ULK4: variants seen among roughly 807,000 people sequenced by gnomAD.
The protein encoded by ULK4 is inactive serine/threonine-protein kinase ULK4.
ULK4 carries 133 observed loss-of-function variants against 160.6 expected under a neutral mutation model. The observed-to-expected ratio is 0.83, with a 90% CI of 0.72 to 0.96. ULK4 has a LOEUF of 0.96. ULK4 is among the 40% of genes least tolerant of loss of function. The probability of loss-of-function intolerance (pLI) is 0.00; values close to 1 mark genes in which losing one functional copy is unlikely to be tolerated. For synonymous variants in ULK4, 534 were observed against 539.8 expected (o/e 0.99, Z 0.15); for missense variants, 1,580 against 1,499.5 (o/e 1.05, Z -0.89).
chr3:41,270,729 C>T (rs912729738), intron 35 of ULK4, among the ~76,000 whole-genome samples: 5 of 152,056 alleles, frequency 3.3e-5, no homozygotes, highest in African/African-American at 9.7e-5. Flanking sequence ...TTTTATACGA[C>T]GAGATCGTGG....
At chr3:41,816,760 A>T (rs1245144181) in intron 19 of ULK4, among the ~76,000 whole-genome samples, 1 of 152,076 alleles carries the variant, frequency 6.6e-6, no homozygotes, top group Non-Finnish European at 1.5e-5. Context: ...GCAGGGAGCC[A>T]GGATGACAGA....
intron 29 of ULK4, among the ~76,000 whole-genome samples, chr3:41,678,388 T>C (rs1345271026): frequency 1.3e-5 from 2 of 152,128 alleles, no homozygotes; most frequent in African/African-American, 2.4e-5. Flanking sequence ...TGAGAATTTT[T>C]CCAGAAGTAT....
intron 30 of ULK4, among the ~76,000 whole-genome samples, chr3:41,622,113 A>T (rs148739850): frequency 6.6e-6 from 1 of 152,216 alleles, no homozygotes; most frequent in Admixed American, 6.5e-5. Flanking sequence ...AGGAAACACC[A>T]GATACTGGCA....
intron 29 of ULK4, among the ~76,000 whole-genome samples, chr3:41,665,862 G>A (rs1246973841): frequency 6.6e-6 from 1 of 152,190 alleles, no homozygotes; most frequent in African/African-American, 2.4e-5. Context: ...TAAAGAGTAT[G>A]TAAGAATATT....
At chr3:41,622,806 A>G (rs2033320549) in intron 30 of ULK4, among the ~76,000 whole-genome samples, 2 of 152,200 alleles carry the variant, frequency 1.3e-5, no homozygotes, top group Non-Finnish European at 2.9e-5. Context: ...CTTTTAGTCC[A>G]GGGTTCAGAA....
intron 35 of ULK4, among the ~76,000 whole-genome samples, chr3:41,250,005 A>T (rs2078715216): frequency 1.3e-5 from 2 of 152,220 alleles, no homozygotes. Context: ...CGTGGATAGA[A>T]GGATGCCAAG....
chr3:41,516,564 G>C (rs1199753214), intron 32 of ULK4, among the ~76,000 whole-genome samples: 1 of 152,078 alleles, frequency 6.6e-6, no homozygotes, highest in Non-Finnish European at 1.5e-5. Flanking sequence ...ATTGGGTTAA[G>C]TGAAATAAGC....
chr3:41,593,072 C>T (rs1322159653), intron 31 of ULK4, among the ~76,000 whole-genome samples: 1 of 152,196 alleles, frequency 6.6e-6, no homozygotes, highest in Non-Finnish European at 1.5e-5. Flanking sequence ...TCTTCCCTAA[C>T]TCCCCTTATA....
chr3:41,357,332 T>C (rs190892610), intron 35 of ULK4, among the ~76,000 whole-genome samples: 10 of 152,202 alleles, frequency 6.6e-5, no homozygotes, highest in Admixed American at 3.9e-4. Flanking sequence ...AAAGATATCA[T>C]AGGAAGAATA....
intron 17 of ULK4, among the ~76,000 whole-genome samples, chr3:41,866,067 C>T (rs190582825): frequency 2.2e-4 from 30 of 137,958 alleles, no homozygotes; most frequent in Admixed American, 2.0e-3. Flanking sequence ...GATGTTTACA[C>T]AGACAAGAAC....
At chr3:41,620,662 T>C (rs1030385743) in intron 30 of ULK4, among the ~76,000 whole-genome samples, 1 of 151,898 alleles carries the variant, frequency 6.6e-6, no homozygotes, top group Non-Finnish European at 1.5e-5. Context: ...CAATATAATA[T>C]TGAATGGGTA....
chr3:41,792,227 G>C (rs2040171448), intron 20 of ULK4, among the ~76,000 whole-genome samples: 1 of 152,038 alleles, frequency 6.6e-6, no homozygotes, highest in Non-Finnish European at 1.5e-5. Flanking sequence ...TGTAACAACA[G>C]AAAAATGAAT....
At chr3:41,823,699 T>C (rs2041229501) in intron 18 of ULK4, among the ~76,000 whole-genome samples, 1 of 152,170 alleles carries the variant, frequency 6.6e-6, no homozygotes, top group Non-Finnish European at 1.5e-5. Flanking sequence ...TAATGTTTAT[T>C]GTACTCAAAC....
At chr3:41,854,742 G>A (rs1335057244) in intron 17 of ULK4, 1 of 151,936 alleles carries the variant, frequency 6.6e-6, no homozygotes, top group Non-Finnish European at 1.5e-5. Context: ...CTTGCAAAGT[G>A]GCCATAGTTC....
chr3:41,478,706 T>C (rs2084217472), intron 32 of ULK4, among the ~76,000 whole-genome samples: 1 of 152,232 alleles, frequency 6.6e-6, no homozygotes, highest in South Asian at 2.1e-4. Context: ...GAGGGATTTC[T>C]GCACTGAAGA....
At chr3:41,640,832 T>C (rs1442092269) in intron 30 of ULK4, among the ~76,000 whole-genome samples, 3 of 152,170 alleles carry the variant, frequency 2.0e-5, no homozygotes, top group Non-Finnish European at 2.9e-5. Context: ...TTTTCAATGG[T>C]AAAAATAAAA....
chr3:41,503,369 T>C (rs1303147021), intron 32 of ULK4, among the ~76,000 whole-genome samples: 1 of 152,216 alleles, frequency 6.6e-6, no homozygotes, highest in Non-Finnish European at 1.5e-5. Context: ...TCAGTGGAAA[T>C]GTCATGGCTA....
At chr3:41,923,129 T>C (rs1394685483) in intron 5 of ULK4, among the ~76,000 whole-genome samples, 2 of 151,488 alleles carry the variant, frequency 1.3e-5, no homozygotes, top group African/African-American at 2.4e-5. Context: ...GATCACACCA[T>C]TGCACTCCAC....
At chr3:41,364,583 A>G (rs1480359188) in intron 35 of ULK4, among the ~76,000 whole-genome samples, 1 of 152,170 alleles carries the variant, frequency 6.6e-6, no homozygotes, top group Non-Finnish European at 1.5e-5. Flanking sequence ...TTACTAGATA[A>G]ATGAGACTTT....
Sources: allele counts gnomAD v4.1 joint callset (sites outside exome capture counted in the v4.1 genomes callset), GRCh38; gene constraint gnomAD v4.1.1; transcripts MANE v1.5; gene names NCBI Gene and HGNC (gene_info 2026-07-23, HGNC 2026-07-21).